The following OXNAD1 variants were observed in gnomAD, a reference collection of about 807,000 sequenced individuals.
OXNAD1 encodes the protein oxidoreductase NAD-binding domain-containing protein 1.
A neutral mutation model predicts 32.9 loss-of-function variants in OXNAD1; 34 were observed. The ratio of observed to expected loss-of-function variants is 1.03; its 90% CI spans 0.79 to 1.38. The LOEUF is 1.38. Among genes scored for constraint, OXNAD1 ranks in the 40% most tolerant of loss-of-function variants. OXNAD1 has a pLI of 0.00. For missense variants in OXNAD1, 407 were observed against 379.4 expected (o/e 1.07, Z -0.60); for synonymous variants, 134 against 135.2 (o/e 0.99, Z 0.06).
chr3:16,291,115 C>T (rs1339724787), intron 5 of OXNAD1, among the ~76,000 whole-genome samples: 1 of 152,100 alleles, frequency 6.6e-6, no homozygotes, highest in Non-Finnish European at 1.5e-5. Flanking sequence ...TTCTAGACTA[C>T]AGGATGTGGT....
intron 4 of OXNAD1, chr3:16,275,031 G>A (rs2065218014): frequency 6.5e-6 from 1 of 152,696 alleles, no homozygotes; most frequent in African/African-American, 2.4e-5. Context: ...TTATAAAACA[G>A]TCATAGCTTT....
chr3:16,293,339 A>G (rs2066551738), intron 5 of OXNAD1, among the ~76,000 whole-genome samples: 1 of 152,222 alleles, frequency 6.6e-6, no homozygotes, highest in Non-Finnish European at 1.5e-5. Flanking sequence ...TTGCTAGTGT[A>G]TAGAGATACA....
At position 16,271,499 on chromosome 3, in the gene OXNAD1, C is replaced by T. The variant is rs370838256; in HGVS notation, c.120-160C>T. 3.4e-4 allele frequency among the ~76,000 whole-genome samples: 52 copies of T among 152,276 alleles called. 1 individual carries two copies. The South Asian group carries it at 8.5e-3, about 25-fold the overall frequency. ...GATTACAGGCATGAGCCACCATGCC[C>T]GGCCAAAACTTTAGTTAGACGGGCA... On this transcript the variant is annotated intron_variant, in intron 3 of 8. Transcript: ENST00000285083. This position sits in a 1 kb window ranked among gnomAD's most constrained non-coding sequence, Gnocchi z 4.6.
At chr3:16,318,749 A>G (rs1309948231) in intron 9 of OXNAD1, among the ~76,000 whole-genome samples, 1 of 152,176 alleles carries the variant, frequency 6.6e-6, no homozygotes, top group Admixed American at 6.5e-5. Context: ...TATCCCCCAA[A>G]AAACCCAAAT....
chr3:16,323,442 G>A, intron 9 of OXNAD1: 1 of 1,612,412 alleles, frequency 6.2e-7, no homozygotes. Flanking sequence ...TCTGCTTGGT[G>A]GATACACTCC....
chr3:16,326,991 G>A (rs2069770054), intron 9 of OXNAD1: 9 of 718,888 alleles, frequency 1.3e-5, no homozygotes, highest in Admixed American at 2.6e-5. Context: ...GGCGGTGCCC[G>A]GCCACTCAGA....
intron 2 of OXNAD1, among the ~76,000 whole-genome samples, chr3:16,270,154 C>T (rs1198631592): frequency 4.6e-5 from 7 of 152,252 alleles, no homozygotes; most frequent in South Asian, 2.1e-4. Flanking sequence ...CCATGCAATC[C>T]GCACCCAGAT....
At position 16,280,296 on chromosome 3, in the gene OXNAD1, C is replaced by G. The variant is rs1431179592; in HGVS notation, c.184-6046C>G. The stretch of plus-strand genomic sequence containing the variant: ...TTGAGAAGACGGAGAGGAGACCAGC[C>G]CAGGTGGACAGGTTAGCCTTTGGTA... On this transcript the variant is annotated intron_variant, in intron 4 of 8. Transcript: ENST00000285083. The surrounding 1 kb of genome is among the most constrained non-coding windows in gnomAD (Gnocchi z 4.5). 6.6e-6 allele frequency among the ~76,000 whole-genome samples: 1 copy of G among 152,012 alleles called. No individual in the cohort carries two copies. Among genetic ancestry groups the G allele is most frequent in the Admixed American group, 6.6e-5 (1 of 15,246 alleles).
At chr3:16,339,639 A>G (rs1382021771), downstream of OXNAD1, 1 of 152,198 alleles carries the variant, frequency 6.6e-6, no homozygotes, top group East Asian at 1.9e-4. Flanking sequence ...TCTCAGAGAG[A>G]CTGGCCAATC....
rs1446824545 is a variant in OXNAD1 at position 16,299,773 on chromosome 3, G to C, written c.433-1853G>C. 1.3e-5 allele frequency among the ~76,000 whole-genome samples: 2 copies of C among 152,218 alleles called. No homozygotes were observed. The highest frequency in any genetic ancestry group is 3.8e-4 in the East Asian group (2 of 5,206). On this transcript the variant is annotated intron_variant, in intron 6 of 8. Transcript: ENST00000285083. The surrounding 1 kb of genome is among the most constrained non-coding windows in gnomAD (Gnocchi z 4.4). ...CATTTAGTTGATTTATGCCAGGAAC[G>C]TGTAATGGGAGAAACCTATGCTCTT...
chr3:16,276,358 A>G, intron 4 of OXNAD1: 2 of 199,532 alleles, frequency 1.0e-5, no homozygotes, highest in South Asian at 7.7e-5. Flanking sequence ...TTTTTTTAAG[A>G]AGGATCTTTT....
intron 9 of OXNAD1, among the ~76,000 whole-genome samples, chr3:16,332,538 G>A (rs2070428419): frequency 6.6e-6 from 1 of 151,958 alleles, no homozygotes; most frequent in Non-Finnish European, 1.5e-5. Context: ...GACAGAGATG[G>A]GGAACTAGGG....
Position 16,271,602 on chromosome 3 carries a change from A to AT in OXNAD1, c.120-53dup. 7.3e-7 allele frequency: 1 copy of AT among 1,362,680 alleles called. No individual in the cohort carries two copies. The highest frequency in any genetic ancestry group is 1.0e-6 in the Non-Finnish European group (1 of 988,846). 84.4% of individuals were successfully genotyped at this position (1,362,680 alleles called of 1,614,324 possible). ...AACCATGATATTTCAGGAAAAACTA[A>AT]TTTTATTATTTTTATGAGGATAATA... On this transcript the variant is annotated intron_variant, in intron 3 of 8. Transcript: ENST00000285083. This position sits in a 1 kb window ranked among gnomAD's most constrained non-coding sequence, Gnocchi z 4.6.
rs1483907938 is a variant in OXNAD1, at chr3:16,346,179, C to G, written c.*31-2997C>G. ...GTGGAAAGGCCAGGGGGTGCACATT[C>G]ATTTTTAATGACTACACACCTTCCC... On this transcript the variant is annotated intron_variant, in intron 9 of 9. Transcript: ENST00000606098. The surrounding 1 kb of genome is among the most constrained non-coding windows in gnomAD (Gnocchi z 4.4). The G allele has an allele frequency of 6.6e-6, 1 of 152,198 alleles. No individual in the cohort carries two copies. Among genetic ancestry groups the G allele is most frequent in the Non-Finnish European group, 1.5e-5 (1 of 68,042 alleles). The allele number at this position is 152,198 out of a possible 1,614,324, so 9.4% of individuals were successfully genotyped here.
Position 16,298,491 on chromosome 3 carries a change from T to C in OXNAD1, c.433-3135T>C, listed in dbSNP as rs2066956586. 6.6e-6 allele frequency among the ~76,000 whole-genome samples: 1 copy of C among 152,146 alleles called. No individual in the cohort carries two copies. The highest frequency in any genetic ancestry group is 2.4e-5 in the African/African-American group (1 of 41,430). ...GTTATTGCCTGAATGCACATCCTAA[T>C]TGTAGTGCCTGCTCTACTCTGCCCA... On this transcript the variant is annotated intron_variant, in intron 6 of 8. Transcript: ENST00000285083. The surrounding 1 kb of genome is among the most constrained non-coding windows in gnomAD (Gnocchi z 5.1).
chr3:16,311,041 C>T (rs868557593), downstream of OXNAD1, among the ~76,000 whole-genome samples: 4 of 151,078 alleles, frequency 2.6e-5, no homozygotes, highest in South Asian at 2.1e-4. Context: ...CCACTCTGCC[C>T]GTCAGAACCA....
chr3:16,286,599 A>G, intron 5 of OXNAD1, 151 bp downstream of exon 5: 2 of 683,740 alleles, frequency 2.9e-6, no homozygotes, highest in Non-Finnish European at 2.4e-6. Flanking sequence ...TTGTTGGCAC[A>G]GAGGATCTGA....
chr3:16,289,521 A>C lies in OXNAD1; in HGVS notation c.290+3073A>C, dbSNP rs778054121. Among the ~76,000 whole-genome samples, 2 of 152,196 alleles carry C rather than the reference A, an allele frequency of 1.3e-5. No homozygotes were observed. The highest frequency in any genetic ancestry group is 2.4e-5 in the African/African-American group (1 of 41,438). ...CTGAGAGAAAGAGGACACCAAGAAGAAACACTGGAGGAGCAAGATTAGAGA... is the reference window on the plus strand; with the variant it reads ...CTGAGAGAAAGAGGACACCAAGAAGCAACACTGGAGGAGCAAGATTAGAGA... On this transcript the variant is annotated intron_variant, in intron 5 of 8. Coordinates refer to ENST00000285083, the MANE Select transcript of OXNAD1 (RefSeq NM_138381.5). This position sits in a 1 kb window ranked among gnomAD's most constrained non-coding sequence, Gnocchi z 4.9.
chr3:16,324,784 T>C (rs977800080), intron 9 of OXNAD1, among the ~76,000 whole-genome samples: 2 of 151,974 alleles, frequency 1.3e-5, no homozygotes, highest in Admixed American at 6.6e-5. Flanking sequence ...GCAAGGATCA[T>C]GGAAATGCAG....
Sources: gnomAD v4.1 joint callset for allele counts (sites outside exome capture counted in the v4.1 genomes callset) on GRCh38, gnomAD v4.1.1 for gene constraint, Gnocchi (gnomAD v3.1) non-coding constraint, MANE v1.5 for transcripts, NCBI Gene and HGNC (gene_info 2026-07-23, HGNC 2026-07-21) for gene names.